Variants in RAB40B observed in about 807,000 individuals in gnomAD.
RAB40B encodes the protein ras-related protein Rab-40B.
Under a neutral mutation model 24.0 loss-of-function variants are expected in RAB40B, and 21 were observed. The ratio of observed to expected loss-of-function variants is 0.88; its 90% CI spans 0.62 to 1.26. The LOEUF is 1.26. Among genes scored for constraint, RAB40B ranks in the 50% most tolerant of loss-of-function variants. The probability of loss-of-function intolerance (pLI) is 0.00; values close to 1 mark genes in which losing one functional copy is unlikely to be tolerated. For missense variants in RAB40B, 348 were observed against 390.5 expected (o/e 0.89, Z 0.92); for synonymous variants, 167 against 169.8 (o/e 0.98, Z 0.13).
At chr17:82,659,830 A>C in intron 3 of RAB40B, 173 bp from the exon 4 acceptor site, 1 of 612,670 alleles carries the variant, frequency 1.6e-6, no homozygotes, top group Non-Finnish European at 2.9e-6. Context: ...GTGATATTTC[A>C]TAAGCTCAGT....
At chr17:82,668,167 A>C (rs1262916345) in intron 1 of RAB40B, 1 of 154,572 alleles carries the variant, frequency 6.5e-6, no homozygotes, top group Non-Finnish European at 1.5e-5. Context: ...CTCAGCAGAC[A>C]GGGTAGCTCT....
At chr17:82,677,305 A>G (rs892146819) in intron 1 of RAB40B, among the ~76,000 whole-genome samples, 1 of 152,198 alleles carries the variant, frequency 6.6e-6, no homozygotes, top group Non-Finnish European at 1.5e-5. Flanking sequence ...CCTGAACTAA[A>G]AGCTGAATTT....
At chr17:82,683,860 GA>G (rs1048905277) in intron 1 of RAB40B, among the ~76,000 whole-genome samples, 4 of 151,164 alleles carry the variant, frequency 2.6e-5, no homozygotes, top group Non-Finnish European at 5.9e-5. Flanking sequence ...CAAAAGATCT[GA>G]AAAGACACTT....
Position 82,663,437 on chromosome 17 carries a change from C to T in RAB40B, c.203+1059G>A, listed in dbSNP as rs983785001. Among the ~76,000 whole-genome samples, 2 of 152,032 alleles carry T rather than the reference C, an allele frequency of 1.3e-5. No homozygotes were observed. The highest frequency in any genetic ancestry group is 6.5e-5 in the Admixed American group (1 of 15,278). On this transcript the variant is annotated intron_variant, in intron 2 of 5. Coordinates refer to ENST00000571995, the MANE Select transcript of RAB40B (RefSeq NM_006822.3). The surrounding 1 kb of genome is among the most constrained non-coding windows in gnomAD (Gnocchi z 6.2). Reference sequence around the variant, plus strand: ...CACCGCAGGAGCCCCCCATCCCCACCGCCCCAGAGCTGGAACCGCAGGAGC... The same window carrying T: ...CACCGCAGGAGCCCCCCATCCCCACTGCCCCAGAGCTGGAACCGCAGGAGC...
intron 1 of RAB40B, among the ~76,000 whole-genome samples, chr17:82,683,440 T>C (rs1334113934): frequency 1.3e-5 from 2 of 152,124 alleles, no homozygotes; most frequent in Admixed American, 1.3e-4. Context: ...CAAAACGTAT[T>C]TAAACATTCT....
At chr17:82,664,606 C>A in intron 1 of RAB40B, 50 bp from the exon 2 acceptor site, 1 of 1,555,094 alleles carries the variant, frequency 6.4e-7, no homozygotes, top group Non-Finnish European at 8.8e-7. Context: ...GCTAACAGGA[C>A]GCTGGAAGTC....
At position 82,655,303 on chromosome 17, in the gene RAB40B, G is replaced by A. The variant is rs1466469632; in HGVS notation, c.*2560C>T. 4 of 152,192 alleles carry A rather than the reference G, an allele frequency of 2.6e-5. No homozygotes were observed. Among genetic ancestry groups the A allele is most frequent in the Non-Finnish European group, 5.9e-5 (4 of 68,044 alleles). 9.4% of individuals were successfully genotyped at this position (152,192 alleles called of 1,614,324 possible). A position where few individuals can be genotyped will look rare whatever the true frequency, so the allele number is the denominator to read the frequency against. On this transcript the variant is annotated 3_prime_UTR_variant, in exon 6 of 6. Transcript: ENST00000571995. The stretch of plus-strand genomic sequence containing the variant: ...ACATGTTCCGCTTCTGGGGACTTCT[G>A]GTGGTGTTTCCCTGGAGGGCCAAGG...
At chr17:82,691,024 A>G (rs1186533228) in intron 1 of RAB40B, among the ~76,000 whole-genome samples, 1 of 152,200 alleles carries the variant, frequency 6.6e-6, no homozygotes, top group African/African-American at 2.4e-5. Context: ...AAGCTCCCTC[A>G]GTGGAGCCTT....
chr17:82,661,282 A>G, intron 2 of RAB40B: 1 of 1,313,504 alleles, frequency 7.6e-7, no homozygotes, highest in Non-Finnish European at 9.7e-7. Context: ...TAGAAAAAAT[A>G]GTGACGGTTT....
rs748261484 is a variant in RAB40B, at chr17:82,658,122, T to C, written c.578A>G (p.Gln193Arg). The part of the protein sequence containing the change: ...LWRPSKVLSL[Q>R]DLCCRAVVSC... ...CACGACCGCCCGGCAGCAGAGGTCT[T>C]GCAAGCTCAGCACTTGGGAGAGAAA... Residue 193 changes from glutamine (Q) to arginine (R), a missense_variant, in exon 6 of 6, where the codon CAA (glutamine) becomes CGA (arginine). This residue lies in a region of RAB40B where 121 missense variants were observed against 124.0 expected (regional missense o/e 0.98). Coordinates refer to ENST00000571995, the MANE Select transcript of RAB40B (RefSeq NM_006822.3). 3 of 1,613,844 alleles carry C rather than the reference T, an allele frequency of 1.9e-6. No homozygotes were observed. Among genetic ancestry groups the C allele is most frequent in the Admixed American group, 3.3e-5 (2 of 59,988 alleles).
chr17:82,659,529 C>A (rs147082048), intron 4 of RAB40B, 51 bp downstream of exon 4: 1 of 1,583,706 alleles, frequency 6.3e-7, no homozygotes, highest in South Asian at 1.1e-5. Context: ...CCTGGCCTGA[C>A]GTCCTCCCAA....
In RAB40B at chr17:82,692,529, G is replaced by A. The variant is rs1017176109; in HGVS notation, c.142+5926C>T. Among the ~76,000 whole-genome samples, 3 of 151,976 alleles carry A rather than the reference G, an allele frequency of 2.0e-5. No homozygotes were observed. Among genetic ancestry groups the A allele is most frequent in the African/African-American group, 7.3e-5 (3 of 41,362 alleles). On this transcript the variant is annotated intron_variant, in intron 1 of 5. Transcript: ENST00000571995. This position sits in a 1 kb window ranked among gnomAD's most constrained non-coding sequence, Gnocchi z 4.0. ...ACACACAAGAGACAGGCGGGCCAAC[G>A]GTGCAGACCCAGACCCACAGGCGGG... is the stretch of plus-strand genomic sequence containing the variant.
Position 82,676,666 on chromosome 17 carries a change from C to T in RAB40B, c.143-12110G>A, listed in dbSNP as rs746497054. Among the ~76,000 whole-genome samples, 7 of 152,050 alleles carry T rather than the reference C, an allele frequency of 4.6e-5. 1 individual carries two copies. Among genetic ancestry groups the T allele is most frequent in the Non-Finnish European group, 7.4e-5 (5 of 67,988 alleles). On this transcript the variant is annotated intron_variant, in intron 1 of 5. Coordinates refer to ENST00000571995, the MANE Select transcript of RAB40B (RefSeq NM_006822.3). ...TTTTTGAGATGGAGTCTCGCTGTGT[C>T]GCCCAGGCTGGAATGCAATGGCGTG...
In RAB40B at chr17:82,667,487, G is replaced by A. The variant is rs2046272420; in HGVS notation, c.143-2931C>T. On this transcript the variant is annotated intron_variant, in intron 1 of 5. Coordinates refer to ENST00000571995, the MANE Select transcript of RAB40B (RefSeq NM_006822.3). This position sits in a 1 kb window ranked among gnomAD's most constrained non-coding sequence, Gnocchi z 4.3. ...CCGAGCACCCCTCCCTCCCACAGCTGCTGTGTCCAGCCTGTCCCCTGCCCT... is the reference window on the plus strand; with the variant it reads ...CCGAGCACCCCTCCCTCCCACAGCTACTGTGTCCAGCCTGTCCCCTGCCCT... Among the ~76,000 whole-genome samples, 1 of 152,142 alleles carries A rather than the reference G, an allele frequency of 6.6e-6. No homozygotes were observed. Among genetic ancestry groups the A allele is most frequent in the South Asian group, 2.1e-4 (1 of 4,826 alleles).
chr17:82,686,100 C>CCTT (rs2046498055), intron 1 of RAB40B, among the ~76,000 whole-genome samples: 1 of 108,324 alleles, frequency 9.2e-6, no homozygotes, highest in African/African-American at 3.3e-5. Context: ...CCGCACCCAG[C>CCTT]CTTCTTTTTT....
chr17:82,664,581 A>G (rs778090149), intron 1 of RAB40B, 25 bp from the exon 2 acceptor site: 1 of 1,608,748 alleles, frequency 6.2e-7, no homozygotes. Flanking sequence ...GAGACGGCTT[A>G]GGCCTGAGGC....
At chr17:82,662,514 G>A in intron 2 of RAB40B, 4 of 985,456 alleles carry the variant, frequency 4.1e-6, no homozygotes, top group South Asian at 9.4e-5. Flanking sequence ...GCCCCAGTGG[G>A]TGTGGGGAGG....
rs2046203887 is a variant in RAB40B, at chr17:82,663,566, G to T, written c.203+930C>A. Among the ~76,000 whole-genome samples, 1 of 151,810 alleles carries T rather than the reference G, an allele frequency of 6.6e-6. No homozygotes were observed. Among genetic ancestry groups the T allele is most frequent in the Middle Eastern group, 3.2e-3 (1 of 316 alleles). On this transcript the variant is annotated intron_variant, in intron 2 of 5. Coordinates refer to ENST00000571995, the MANE Select transcript of RAB40B (RefSeq NM_006822.3). This position sits in a 1 kb window ranked among gnomAD's most constrained non-coding sequence, Gnocchi z 6.2. ...AGAGGTGCCCCGGGCTTGCCCCAAGGTGAGGAGCTGGGGTTCTCACAGCTG... is the reference window on the plus strand; with the variant it reads ...AGAGGTGCCCCGGGCTTGCCCCAAGTTGAGGAGCTGGGGTTCTCACAGCTG...
At chr17:82,691,774 C>T (rs571036000) in intron 1 of RAB40B, among the ~76,000 whole-genome samples, 6 of 152,304 alleles carry the variant, frequency 3.9e-5, no homozygotes, top group Non-Finnish European at 5.9e-5. Flanking sequence ...GCTGGGGTGG[C>T]GGAAAGGCAG....
Sources: gnomAD v4.1 joint callset for allele counts (sites outside exome capture counted in the v4.1 genomes callset) on GRCh38, gnomAD v4.1.1 for gene constraint, gnomAD v4.1.1 regional missense constraint, Gnocchi (gnomAD v3.1) non-coding constraint, MANE v1.5 for transcripts, NCBI Gene and HGNC (gene_info 2026-07-23, HGNC 2026-07-21) for gene names.